The following DGKB variants were observed in gnomAD, a reference collection of about 807,000 sequenced individuals.
DGKB encodes the protein 90 kDa diacylglycerol kinase.
In DGKB, 67 loss-of-function variants were observed where a neutral mutation model predicts 114.3. That is an observed-to-expected ratio of 0.59 (90% CI 0.48 to 0.72). DGKB has a LOEUF of 0.72. Ranked by LOEUF, DGKB falls within the 30% of genes least tolerant of loss-of-function variation. The pLI, the probability that DGKB is intolerant of heterozygous loss-of-function variation, is 0.00. For synonymous variants in DGKB, 398 were observed against 323.1 expected (o/e 1.23, Z -2.49); for missense variants, 907 against 975.2 (o/e 0.93, Z 0.93).
chr7:14,149,300 C>A, intron 25 of DGKB, 62 bp from the exon 26 acceptor site: 3 of 1,232,442 alleles, frequency 2.4e-6, no homozygotes, highest in East Asian at 2.4e-5. Context: ...AGATACAATA[C>A]CAATTTGTGA....
chr7:14,690,834 G>C (rs1276589137), intron 9 of DGKB, among the ~76,000 whole-genome samples: 1 of 152,194 alleles, frequency 6.6e-6, no homozygotes, highest in Non-Finnish European at 1.5e-5. Flanking sequence ...TCTCCAATGA[G>C]ATGAATTCTG....
intron 2 of DGKB, among the ~76,000 whole-genome samples, chr7:14,797,988 A>G (rs542150630): frequency 6.6e-6 from 1 of 152,314 alleles, no homozygotes; most frequent in East Asian, 1.9e-4. Context: ...AGCTCTCAGC[A>G]GGGAGAGGGG....
chr7:14,388,707 T>C (rs1421988731), intron 21 of DGKB, among the ~76,000 whole-genome samples: 1 of 152,128 alleles, frequency 6.6e-6, no homozygotes, highest in Non-Finnish European at 1.5e-5. Context: ...CTATTGATAA[T>C]AGAGTTTTAA....
chr7:14,607,103 C>T (rs1424384799), intron 17 of DGKB, among the ~76,000 whole-genome samples: 4 of 151,326 alleles, frequency 2.6e-5, no homozygotes, highest in Admixed American at 6.6e-5. Flanking sequence ...AAAAGAGAAT[C>T]GTTCTTCAAA....
Position 14,937,967 on chromosome 7 carries a change from G to T in DGKB, c.-188+36729C>A, listed in dbSNP as rs148927731. Among the ~76,000 whole-genome samples, 5 of 152,238 alleles carry T rather than the reference G, an allele frequency of 3.3e-5. No individual in the cohort carries two copies. In the South Asian group the frequency reaches 1.0e-3, roughly 32 times the overall value. On this transcript the variant is annotated intron_variant, in intron 1 of 4. Transcript: ENST00000437998. ...TAATACAACAAAACATGTGTTAGTT[G>T]ACTGTTTATTAAGGCTTTGGCCAAC... is the stretch of plus-strand genomic sequence containing the variant.
At chr7:14,787,115 C>G (rs1195862124) in intron 2 of DGKB, among the ~76,000 whole-genome samples, 1 of 152,176 alleles carries the variant, frequency 6.6e-6, no homozygotes, top group Admixed American at 6.5e-5. Flanking sequence ...AGCACCTCTT[C>G]ACCTTACTCA....
chr7:14,793,424 C>T (rs561988776), intron 2 of DGKB, among the ~76,000 whole-genome samples: 1 of 152,224 alleles, frequency 6.6e-6, no homozygotes, highest in African/African-American at 2.4e-5. Flanking sequence ...TTGCTCCTTT[C>T]TATTTCCTGA....
intron 1 of DGKB, among the ~76,000 whole-genome samples, chr7:14,912,646 TC>T (rs1429444856): frequency 2.0e-5 from 3 of 152,190 alleles, no homozygotes; most frequent in Admixed American, 6.5e-5. Flanking sequence ...ATTATTTCTT[TC>T]CTTAGCTGCA....
chr7:14,202,115 T>C (rs1033791690), intron 23 of DGKB, among the ~76,000 whole-genome samples: 2 of 152,088 alleles, frequency 1.3e-5, no homozygotes, highest in African/African-American at 4.8e-5. Flanking sequence ...TATAATGTGA[T>C]AATTGCTTCT....
intron 1 of DGKB, among the ~76,000 whole-genome samples, chr7:14,938,122 A>G (rs1413507751): frequency 6.6e-6 from 1 of 152,220 alleles, no homozygotes; most frequent in Non-Finnish European, 1.5e-5. Flanking sequence ...ACAAGTATTT[A>G]AGCAGGTACA....
chr7:14,832,778 C>A (rs530829760), intron 2 of DGKB, among the ~76,000 whole-genome samples: 54 of 152,078 alleles, frequency 3.6e-4, no homozygotes, highest in Non-Finnish European at 7.1e-4. Flanking sequence ...TCTCCTTGCT[C>A]AATCTGCTTC....
chr7:14,591,190 T>C (rs968784798), intron 17 of DGKB, among the ~76,000 whole-genome samples: 3 of 152,016 alleles, frequency 2.0e-5, no homozygotes, highest in Non-Finnish European at 2.9e-5. Flanking sequence ...ATCCTTCCAA[T>C]GGGGAGAAGT....
At chr7:14,753,446 G>T (rs924590684) in intron 4 of DGKB, among the ~76,000 whole-genome samples, 15 of 152,136 alleles carry the variant, frequency 9.9e-5, no homozygotes, top group Non-Finnish European at 1.8e-4. Context: ...TCCCAGGAGG[G>T]CAAAATCAAC....
At chr7:14,647,876 G>C (rs375997903) in intron 13 of DGKB, among the ~76,000 whole-genome samples, 70 of 152,298 alleles carry the variant, frequency 4.6e-4, no homozygotes, top group African/African-American at 1.7e-3. Context: ...TCAAAGAAAG[G>C]GGTGACGGAC....
intron 21 of DGKB, among the ~76,000 whole-genome samples, chr7:14,374,363 G>A (rs1818156602): frequency 6.6e-6 from 1 of 152,042 alleles, no homozygotes; most frequent in African/African-American, 2.4e-5. Flanking sequence ...TCTCCCCATG[G>A]GCGCTCTTCC....
At position 14,455,354 on chromosome 7, in the gene DGKB, G is replaced by C. The variant is rs1299949002; in HGVS notation, c.1835+22807C>G. Among the ~76,000 whole-genome samples, 3 of 151,968 alleles carry C rather than the reference G, an allele frequency of 2.0e-5. No homozygotes were observed. The East Asian group carries it at 5.8e-4, about 29-fold the overall frequency. On this transcript the variant is annotated intron_variant, in intron 21 of 25. Transcript: ENST00000402815. ...CCTAGGTTTTCACAGCTGTAGAAATGCTCCCTCAAAGAAATAAGTGCAGAA... is the reference window on the plus strand; with the variant it reads ...CCTAGGTTTTCACAGCTGTAGAAATCCTCCCTCAAAGAAATAAGTGCAGAA...
chr7:14,956,501 A>C (rs942363541), intron 1 of DGKB, among the ~76,000 whole-genome samples: 2 of 152,094 alleles, frequency 1.3e-5, no homozygotes, highest in Non-Finnish European at 2.9e-5. Flanking sequence ...TAAGTAATTT[A>C]CTAATGGGCT....
chr7:14,310,329 G>A (rs1367057835), intron 23 of DGKB, among the ~76,000 whole-genome samples: 2 of 152,084 alleles, frequency 1.3e-5, no homozygotes, highest in East Asian at 3.9e-4. Context: ...ATAAAAATGG[G>A]AACGATAGAA....
chr7:14,902,052 T>C (rs930235561), intron 1 of DGKB, among the ~76,000 whole-genome samples: 4 of 152,142 alleles, frequency 2.6e-5, no homozygotes, highest in African/African-American at 9.6e-5. Context: ...GTTTATCATA[T>C]CATCAGTGTG....
Sources: allele counts gnomAD v4.1 joint callset (sites outside exome capture counted in the v4.1 genomes callset), GRCh38; gene constraint gnomAD v4.1.1; transcripts MANE v1.5; gene names NCBI Gene and HGNC (gene_info 2026-07-23, HGNC 2026-07-21).